CTTN: variants seen among roughly 807,000 people sequenced by gnomAD.
CTTN encodes src substrate cortactin.
Under a neutral mutation model 84.0 loss-of-function variants are expected in CTTN, and 28 were observed. That is an observed-to-expected ratio of 0.33 (90% CI 0.25 to 0.46). CTTN has a LOEUF of 0.46. CTTN is among the 20% of genes least tolerant of loss of function. The probability of loss-of-function intolerance (pLI) is 1.00; values close to 1 mark genes in which losing one functional copy is unlikely to be tolerated. For missense variants in CTTN, 641 were observed against 723.8 expected, an observed-to-expected ratio of 0.89 and a Z score of 1.31; for synonymous variants, 301 against 288.8, an observed-to-expected ratio of 1.04 and a Z score of -0.43.
At chr11:70,405,504 T>G (rs1268891443) in intron 2 of CTTN, 143 bp downstream of exon 2, 1 of 152,170 alleles carries the variant, frequency 6.6e-6, no homozygotes, top group African/African-American at 2.4e-5. Context: ...GAAATTTCAT[T>G]GTTTAAAAAA....
At chr11:70,401,210 C>T (rs1332496220) in intron 1 of CTTN, among the ~76,000 whole-genome samples, 1 of 152,068 alleles carries the variant, frequency 6.6e-6, no homozygotes, top group African/African-American at 2.4e-5. Flanking sequence ...GTGGCTCACA[C>T]CTGTAATCCC....
chr11:70,429,992 G>A (rs527719403), intron 14 of CTTN, among the ~76,000 whole-genome samples: 7 of 152,294 alleles, frequency 4.6e-5, no homozygotes, highest in South Asian at 2.1e-4. Flanking sequence ...CACACAGGAC[G>A]TGCTACTTTG....
chr11:70,401,314 A>T (rs149121222), intron 1 of CTTN, among the ~76,000 whole-genome samples: 1 of 151,880 alleles, frequency 6.6e-6, no homozygotes, highest in Non-Finnish European at 1.5e-5. Context: ...ACTAAAAAAA[A>T]AAATACAAAA....
At chr11:70,422,239 C>T (rs930976503) in intron 11 of CTTN, 1 of 347,324 alleles carries the variant, frequency 2.9e-6, no homozygotes, top group African/African-American at 2.1e-5. Flanking sequence ...TTATTAGAAC[C>T]TGAACACATA....
chr11:70,405,749 C>T (rs1317388771), intron 2 of CTTN, among the ~76,000 whole-genome samples: 1 of 152,172 alleles, frequency 6.6e-6, no homozygotes, highest in Non-Finnish European at 1.5e-5. Flanking sequence ...TAATCTCTCC[C>T]CGATGAGCCT....
intron 14 of CTTN, 132 bp downstream of exon 14, chr11:70,429,331 T>TTAATGGAGAGCC: frequency 1.0e-6 from 1 of 982,712 alleles, no homozygotes; most frequent in Non-Finnish European, 1.5e-6. Flanking sequence ...TTAACTCTCC[T>TTAATGGAGAGCC]TTAAGGCTCT....
intron 7 of CTTN, 32 bp downstream of exon 7, chr11:70,415,749 T>A (rs763611056): frequency 5.6e-6 from 9 of 1,611,728 alleles, no homozygotes; most frequent in African/African-American, 1.3e-5. Context: ...AAGAGCCCGC[T>A]CCGGGGGCCC....
chr11:70,414,498 A>C, intron 5 of CTTN, 44 bp from the exon 6 acceptor site: 1 of 1,400,956 alleles, frequency 7.1e-7, no homozygotes, highest in South Asian at 1.2e-5. Context: ...GAAGCGCCGC[A>C]GTGTTGTTGG....
chr11:70,422,793 G>T, intron 11 of CTTN, 147 bp from the exon 12 acceptor site: 3 of 1,490,682 alleles, frequency 2.0e-6, no homozygotes, highest in South Asian at 2.6e-5. Flanking sequence ...AACTTGCCTT[G>T]CAAGTGAAGC....
rs780908612 is a variant in CTTN, at chr11:70,409,835, C to T, written c.166C>T (p.His56Tyr). ...ATTTTCATCTCTTCCATCAAGCATACACAAGCTGAGGGAGAATGTCTTTCA... is the reference window on the plus strand; with the variant it reads ...ATTTTCATCTCTTCCATCAAGCATATACAAGCTGAGGGAGAATGTCTTTCA... The part of the protein sequence containing the change: ...GSGHQEHINI[H>Y]KLRENVFQEH... The change falls in exon 5 of 18, where the codon CAC becomes TAC. Residue 56 changes from histidine (H) to tyrosine (Y), a missense_variant. This residue lies in a region of CTTN where 284 missense variants were observed against 348.4 expected (regional missense o/e 0.82). Coordinates refer to ENST00000301843, the MANE Select transcript of CTTN (RefSeq NM_005231.4). 1 of 1,614,058 alleles carries T rather than the reference C, an allele frequency of 6.2e-7. No homozygotes were observed. The highest frequency in any genetic ancestry group is 1.1e-5 in the South Asian group (1 of 91,072).
intron 2 of CTTN, among the ~76,000 whole-genome samples, chr11:70,406,550 T>C (rs1386975356): frequency 2.0e-5 from 3 of 152,082 alleles, no homozygotes; most frequent in Admixed American, 6.5e-5. Context: ...TAAAATTTTA[T>C]ATTTTACCAC....
At chr11:70,414,910 T>G (rs1394951466) in intron 6 of CTTN, among the ~76,000 whole-genome samples, 1 of 152,204 alleles carries the variant, frequency 6.6e-6, no homozygotes, top group Non-Finnish European at 1.5e-5. Flanking sequence ...GCCCTGTGTC[T>G]GTCCCAATGT....
In CTTN at chr11:70,436,326, C is replaced by T. The variant is rs372830860; in HGVS notation, c.*1164C>T. 19 of 1,598,082 alleles carry T rather than the reference C, an allele frequency of 1.2e-5. No homozygotes were observed. Among genetic ancestry groups the T allele is most frequent in the Admixed American group, 1.0e-4 (6 of 59,986 alleles). On this transcript the variant is annotated 3_prime_UTR_variant, in exon 18 of 18. Transcript: ENST00000301843. ...AGGAGCCGGGAGGCTGGACCAGTCC[C>T]GTCGTGCAGTCAGGTGGGCGGTGTG...
chr11:70,399,807 G>T (rs1379042714), intron 1 of CTTN, among the ~76,000 whole-genome samples: 2 of 152,134 alleles, frequency 1.3e-5, no homozygotes, highest in East Asian at 1.9e-4. Context: ...AATCCCATGC[G>T]CTCCCTTTGG....
rs1247032413 is a variant in CTTN at position 70,419,871 on chromosome 11, A to T, written c.679+15A>T. 1 of 1,594,496 alleles carries T rather than the reference A, an allele frequency of 6.3e-7. No homozygotes were observed. The highest frequency in any genetic ancestry group is 8.6e-7 in the Non-Finnish European group (1 of 1,165,080). The stretch of plus-strand genomic sequence containing the variant: ...GTCCCAGAAAGGTGTCTTCCGTTTT[A>T]TCTTACCCTCCAGCCAGCAGCTAGT... On this transcript the variant is annotated intron_variant, in intron 9 of 17. Coordinates refer to ENST00000301843, the MANE Select transcript of CTTN (RefSeq NM_005231.4).
chr11:70,427,519 AAC>A (rs1236574614), intron 13 of CTTN, among the ~76,000 whole-genome samples: 2 of 152,216 alleles, frequency 1.3e-5, no homozygotes, highest in African/African-American at 4.8e-5. Context: ...GTTTAGGAAG[AAC>A]ATGTGGAATC....
At chr11:70,400,207 A>G (rs1313125699) in intron 1 of CTTN, among the ~76,000 whole-genome samples, 1 of 152,128 alleles carries the variant, frequency 6.6e-6, no homozygotes, top group Non-Finnish European at 1.5e-5. Flanking sequence ...GGTGGCTCAC[A>G]CCTGTAATCC....
At chr11:70,430,439 C>T (rs546179700) in intron 14 of CTTN, among the ~76,000 whole-genome samples, 2 of 152,198 alleles carry the variant, frequency 1.3e-5, no homozygotes, top group African/African-American at 2.4e-5. Flanking sequence ...GGCCCCTCGG[C>T]CCTGTCTTCC....
intron 1 of CTTN, among the ~76,000 whole-genome samples, chr11:70,402,450 G>T (rs527771946): frequency 1.3e-5 from 2 of 152,262 alleles, no homozygotes; most frequent in Non-Finnish European, 2.9e-5. Flanking sequence ...ACCTCAAAAA[G>T]AAGCCCTTGT....
Sources: allele counts gnomAD v4.1 joint callset (sites outside exome capture counted in the v4.1 genomes callset), GRCh38; gene constraint gnomAD v4.1.1; regional missense constraint gnomAD v4.1.1; transcripts MANE v1.5; gene names NCBI Gene and HGNC (gene_info 2026-07-23, HGNC 2026-07-21).